Variants in PCGF5 observed in about 807,000 individuals in gnomAD.
PCGF5 encodes polycomb group RING finger protein 5.
A neutral mutation model predicts 44.3 loss-of-function variants in PCGF5; 9 were observed. The ratio of observed to expected loss-of-function variants is 0.20; its 90% CI spans 0.12 to 0.35. The LOEUF (loss-of-function observed/expected upper bound fraction) is 0.35. PCGF5 is among the 10% of genes least tolerant of loss of function. The pLI, the probability that PCGF5 is intolerant of heterozygous loss-of-function variation, is 1.00. For synonymous variants in PCGF5, 95 were observed against 102.5 expected (o/e 0.93, Z 0.44); for missense variants, 146 against 305.3 (o/e 0.48, Z 3.89).
chr10:91,181,673 C>G (rs1188151952), intron 1 of PCGF5, among the ~76,000 whole-genome samples: 1 of 152,060 alleles, frequency 6.6e-6, no homozygotes, highest in African/African-American at 2.4e-5. Flanking sequence ...ATTACACTTA[C>G]TGATTTGTGT....
rs147450855 is a variant in PCGF5 at position 91,241,980 on chromosome 10, G to A, written c.209+1400G>A. On this transcript the variant is annotated intron_variant, in intron 3 of 9. Coordinates refer to ENST00000336126, the MANE Select transcript of PCGF5 (RefSeq NM_032373.5). ...TTGGGATTGGAGATCACTTCGTTTA[G>A]CAAGCTCTCTAGGTGATGCTAATAT... Among the ~76,000 whole-genome samples the A allele has an allele frequency of 5.5e-3, 838 of 152,196 alleles. 20 individuals carry two copies. The highest frequency in any genetic ancestry group is 0.048 in the Admixed American group (734 of 15,274).
At chr10:91,230,417 A>C (rs1350358491) in intron 2 of PCGF5, among the ~76,000 whole-genome samples, 1 of 152,152 alleles carries the variant, frequency 6.6e-6, no homozygotes, top group Non-Finnish European at 1.5e-5. Context: ...GGGTACTCTG[A>C]AGACTTCTGG....
chr10:91,225,068 T>C (rs960251662), intron 2 of PCGF5, among the ~76,000 whole-genome samples: 20 of 151,940 alleles, frequency 1.3e-4, no homozygotes, highest in Admixed American at 9.2e-4. Context: ...ACAAATTTTA[T>C]ATATGTCCTT....
chr10:91,257,548 T>C (rs911180510), intron 6 of PCGF5, among the ~76,000 whole-genome samples: 2 of 152,082 alleles, frequency 1.3e-5, no homozygotes, highest in African/African-American at 4.8e-5. Context: ...CTGGTTTTTT[T>C]AATTTGATAA....
intron 1 of PCGF5, among the ~76,000 whole-genome samples, chr10:91,174,827 G>A (rs948952847): frequency 2.0e-5 from 3 of 152,184 alleles, no homozygotes; most frequent in African/African-American, 7.2e-5. Context: ...AGAATTTGGT[G>A]GATGGAACGC....
rs192712792 is a variant in PCGF5 at position 91,262,132 on chromosome 10, A to G, written c.573+708A>G. Among the ~76,000 whole-genome samples, 30 of 152,322 alleles carry G rather than the reference A, an allele frequency of 2.0e-4. 2 individuals are homozygous for G. The highest frequency in any genetic ancestry group is 6.7e-4 in the African/African-American group (28 of 41,574). ...GAGTTCTGATAGTAGCATCTAGAAA[A>G]TTAAAGACCAGGCCAGGCGTGGTGG... On this transcript the variant is annotated intron_variant, in intron 7 of 9. Coordinates refer to ENST00000336126, the MANE Select transcript of PCGF5 (RefSeq NM_032373.5).
intron 2 of PCGF5, among the ~76,000 whole-genome samples, chr10:91,229,728 A>G (rs1387587903): frequency 6.6e-6 from 1 of 152,164 alleles, no homozygotes; most frequent in Non-Finnish European, 1.5e-5. Flanking sequence ...CTGAATGAAT[A>G]GCCATTTTAA....
chr10:91,170,458 C>G (rs887220248), intron 1 of PCGF5, among the ~76,000 whole-genome samples: 2 of 152,206 alleles, frequency 1.3e-5, no homozygotes, highest in Non-Finnish European at 2.9e-5. Flanking sequence ...AAGACCTTAA[C>G]AGACACCTCA....
At chr10:91,211,164 T>C (rs1844444503) in intron 1 of PCGF5, among the ~76,000 whole-genome samples, 1 of 152,234 alleles carries the variant, frequency 6.6e-6, no homozygotes, top group Non-Finnish European at 1.5e-5. Flanking sequence ...AGATTTCCAA[T>C]GCTATGTTTG....
chr10:91,271,728 C>A lies in PCGF5; in HGVS notation c.723+31C>A, dbSNP rs188255361. 9.4e-5 allele frequency: 147 copies of A among 1,562,668 alleles called. No homozygotes were observed. The East Asian group carries it at 1.4e-3, about 15-fold the overall frequency. On this transcript the variant is annotated intron_variant, in intron 9 of 9. Coordinates refer to ENST00000336126, the MANE Select transcript of PCGF5 (RefSeq NM_032373.5). ...AGGCACTCACGACTGTACATATGAC[C>A]ATCATGACACCATGGCGGTGAGCAC...
upstream of PCGF5, among the ~76,000 whole-genome samples, chr10:91,162,076 C>T (rs1843395422): frequency 6.6e-6 from 1 of 151,918 alleles, no homozygotes; most frequent in Admixed American, 6.6e-5. Flanking sequence ...AAGGGGTATT[C>T]TGGCAGAGAA....
At chr10:91,231,041 G>C (rs1844989253) in intron 2 of PCGF5, among the ~76,000 whole-genome samples, 2 of 152,114 alleles carry the variant, frequency 1.3e-5, no homozygotes, top group Admixed American at 1.3e-4. Context: ...TGAGCCACCA[G>C]TGCCTGGCCT....
At chr10:91,238,619 T>TCTTTCTTTCTTTC in intron 2 of PCGF5, among the ~76,000 whole-genome samples, 1 of 137,600 alleles carries the variant, frequency 7.3e-6, no homozygotes, top group African/African-American at 2.7e-5. Context: ...TTTTTTTTTT[T>TCTTTCTTTCTTTC]TTTTTTTTTT....
intron 1 of PCGF5, among the ~76,000 whole-genome samples, chr10:91,182,838 G>A (rs1843846559): frequency 6.6e-6 from 1 of 152,064 alleles, no homozygotes; most frequent in Admixed American, 6.6e-5. Context: ...TTAGTTTCAA[G>A]TAACTTCTTG....
chr10:91,248,774 C>G (rs768262987), intron 5 of PCGF5, 50 bp downstream of exon 5: 2 of 1,458,886 alleles, frequency 1.4e-6, no homozygotes, highest in South Asian at 2.4e-5. Context: ...AACTGGTCAG[C>G]TTTTCATAGT....
intron 1 of PCGF5, among the ~76,000 whole-genome samples, chr10:91,185,065 C>G (rs184409974): frequency 6.8e-4 from 104 of 152,350 alleles, no homozygotes; most frequent in Non-Finnish European, 1.2e-3. Context: ...GGGGTACCCC[C>G]TCTGCCCCCA....
chr10:91,246,973 A>G (rs200094286), intron 3 of PCGF5, among the ~76,000 whole-genome samples: 2 of 8,404 alleles, frequency 2.4e-4, no homozygotes, highest in African/African-American at 5.2e-4. Flanking sequence ...ATGGATAGAT[A>G]GATAGATAGA....
At chr10:91,266,766 G>C (rs372716286) in intron 8 of PCGF5, among the ~76,000 whole-genome samples, 43 of 152,204 alleles carry the variant, frequency 2.8e-4, no homozygotes, top group African/African-American at 1.0e-3. Flanking sequence ...AGCACTGATT[G>C]CTGCCTTTTT....
rs76279057 is a variant in PCGF5, at chr10:91,262,001, A to C, written c.573+577A>C. Among the ~76,000 whole-genome samples, 1,485 of 152,310 alleles carry C rather than the reference A, an allele frequency of 9.7e-3. 25 individuals are homozygous for C. Among genetic ancestry groups the C allele is most frequent in the African/African-American group, 0.032 (1,344 of 41,546 alleles). On this transcript the variant is annotated intron_variant, in intron 7 of 9. Coordinates refer to ENST00000336126, the MANE Select transcript of PCGF5 (RefSeq NM_032373.5). ...TTTTCATGTGTTCCATGTTTAGAGA[A>C]TGTTTTTAATCCTAGAGTTATAACT...
Sources: gnomAD v4.1 joint callset for allele counts (sites outside exome capture counted in the v4.1 genomes callset) on GRCh38, gnomAD v4.1.1 for gene constraint, MANE v1.5 for transcripts, NCBI Gene and HGNC (gene_info 2026-07-23, HGNC 2026-07-21) for gene names.